The following CNBD2 variants were observed in gnomAD, a reference collection of about 807,000 sequenced individuals.
The protein encoded by CNBD2 is cyclic nucleotide binding domain containing 2.
Under a neutral mutation model 63.7 loss-of-function variants are expected in CNBD2, and 64 were observed. That is an observed-to-expected ratio of 1.00 (90% CI 0.82 to 1.24). CNBD2 has a LOEUF of 1.24. Ranked by LOEUF, CNBD2 falls within the 50% of genes most tolerant of loss-of-function variation. The pLI, the probability that CNBD2 is intolerant of heterozygous loss-of-function variation, is 0.00. For missense variants in CNBD2, 691 were observed against 713.5 expected (o/e 0.97, Z 0.36); for synonymous variants, 229 against 255.4 (o/e 0.90, Z 0.99).
intron 3 of CNBD2, among the ~76,000 whole-genome samples, chr20:35,979,416 G>T (rs1174923605): frequency 1.3e-5 from 2 of 152,138 alleles, no homozygotes; most frequent in Non-Finnish European, 2.9e-5. Flanking sequence ...CCTCTTAAAG[G>T]TCTCAGTTTT....
intron 8 of CNBD2, among the ~76,000 whole-genome samples, chr20:36,007,668 G>T (rs919443267): frequency 2.0e-5 from 3 of 152,080 alleles, no homozygotes; most frequent in African/African-American, 7.2e-5. Flanking sequence ...AGCTACAGGT[G>T]TGCACCAGCA....
intron 11 of CNBD2, among the ~76,000 whole-genome samples, chr20:36,028,394 CAT>C (rs759778460): frequency 5.3e-5 from 8 of 152,066 alleles, no homozygotes; most frequent in Non-Finnish European, 1.2e-4. Flanking sequence ...AGGCAGAAAA[CAT>C]ATCCATTATC....
At chr20:35,991,831 G>A (rs1460270989) in intron 7 of CNBD2, among the ~76,000 whole-genome samples, 2 of 151,990 alleles carry the variant, frequency 1.3e-5, no homozygotes, top group Admixed American at 6.6e-5. Flanking sequence ...CTCAAAGTGC[G>A]GTGGCTGGAC....
chr20:35,984,570 C>T (rs1489649858), intron 5 of CNBD2, 57 bp from the exon 6 acceptor site: 1 of 1,584,510 alleles, frequency 6.3e-7, no homozygotes, highest in African/African-American at 1.3e-5. Flanking sequence ...GTGTGTAAGG[C>T]TGAGGACAGG....
At chr20:36,022,195 C>CTTT (rs753206662) in intron 10 of CNBD2, among the ~76,000 whole-genome samples, 42 of 56,308 alleles carry the variant, frequency 7.5e-4, no homozygotes, top group Non-Finnish European at 1.1e-3. Flanking sequence ...TTTTTTTTTT[C>CTTT]TTTTTTTTTT....
At chr20:35,995,334 T>G (rs1410625201) in intron 8 of CNBD2, among the ~76,000 whole-genome samples, 182 bp downstream of exon 8, 1 of 152,128 alleles carries the variant, frequency 6.6e-6, no homozygotes, top group Non-Finnish European at 1.5e-5. Flanking sequence ...CCTTTTTTTT[T>G]TATTGAGCCT....
rs770735269 is a variant in CNBD2, at chr20:36,023,615, C to G, written c.1283C>G (p.Ala428Gly). The part of the protein sequence containing the change: ...EQGEILGLHQ[A>G]FLPEGECDTR... The stretch of plus-strand genomic sequence containing the variant: ...ACTTCTCCCGAGGGTCTTCACCAGG[C>G]CTTCCTTCCAGAGGGTGAATGCGAC... Residue 428 changes from alanine to glycine, a missense_variant, in exon 11 of 12, where the codon GCC becomes GGC. Transcript: ENST00000373973. 1.2e-6 allele frequency: 2 copies of G among 1,600,352 alleles called. No individual in the cohort carries two copies. Among genetic ancestry groups the G allele is most frequent in the Non-Finnish European group, 1.7e-6 (2 of 1,174,004 alleles).
intron 10 of CNBD2, among the ~76,000 whole-genome samples, chr20:36,014,230 C>T (rs1300081958): frequency 6.7e-6 from 1 of 149,970 alleles, no homozygotes; most frequent in Non-Finnish European, 1.5e-5. Context: ...AAACATACAA[C>T]TGTTTTGCTC....
At chr20:35,970,732 T>C (rs1029293320) in intron 1 of CNBD2, among the ~76,000 whole-genome samples, 2 of 152,040 alleles carry the variant, frequency 1.3e-5, no homozygotes, top group Admixed American at 1.3e-4. Flanking sequence ...TTTGTTGTTG[T>C]TGTTACAGGG....
At chr20:35,975,334 T>G (rs1314245143) in intron 2 of CNBD2, among the ~76,000 whole-genome samples, 20 of 113,704 alleles carry the variant, frequency 1.8e-4, no homozygotes, top group South Asian at 5.2e-4. Flanking sequence ...GGAGTCTTGC[T>G]CTGTTGCCCA....
At chr20:35,959,671 G>T (rs1031379050), downstream of CNBD2, among the ~76,000 whole-genome samples, 7 of 152,184 alleles carry the variant, frequency 4.6e-5, no homozygotes, top group Non-Finnish European at 8.8e-5. Flanking sequence ...GATGAGATTT[G>T]GGTGCGGATA....
chr20:35,998,040 C>CTTTTT (rs1046661526), intron 8 of CNBD2, among the ~76,000 whole-genome samples: 58 of 127,108 alleles, frequency 4.6e-4, no homozygotes, highest in East Asian at 6.5e-4. Flanking sequence ...TTTTCTTTTT[C>CTTTTT]TTTTTTTTTT....
chr20:35,980,864 GA>G (rs2056589750), intron 4 of CNBD2, among the ~76,000 whole-genome samples: 3 of 152,356 alleles, frequency 2.0e-5, no homozygotes, highest in Admixed American at 6.5e-5. Context: ...AAACCTCAGA[GA>G]GGATCTGGTC....
At chr20:36,006,885 T>C (rs948330200) in intron 8 of CNBD2, among the ~76,000 whole-genome samples, 1 of 152,138 alleles carries the variant, frequency 6.6e-6, no homozygotes, top group Admixed American at 6.5e-5. Context: ...CTTCCTATGG[T>C]TTCATATAAA....
intron 9 of CNBD2, among the ~76,000 whole-genome samples, chr20:36,008,751 T>C (rs185479058): frequency 2.6e-5 from 4 of 152,166 alleles, no homozygotes; most frequent in Non-Finnish European, 4.4e-5. Context: ...GCTGGACATA[T>C]CTTCTGGCTC....
chr20:35,976,500 G>A (rs999881868), intron 3 of CNBD2, among the ~76,000 whole-genome samples: 2 of 152,166 alleles, frequency 1.3e-5, no homozygotes, highest in Admixed American at 1.3e-4. Flanking sequence ...TGAGGTGGGA[G>A]GATCACTTGA....
chr20:35,992,124 A>C (rs947715407), intron 7 of CNBD2, among the ~76,000 whole-genome samples: 1 of 151,812 alleles, frequency 6.6e-6, no homozygotes, highest in Non-Finnish European at 1.5e-5. Context: ...CAGGTGTTCC[A>C]CCCTCCTCGG....
At chr20:35,957,272 G>A (rs1474512501), downstream of CNBD2, among the ~76,000 whole-genome samples, 2 of 152,122 alleles carry the variant, frequency 1.3e-5, no homozygotes, top group Non-Finnish European at 2.9e-5. Context: ...ATAATGTGGA[G>A]GGAATAAATG....
upstream of CNBD2, chr20:35,954,661 C>G: frequency 7.9e-7 from 1 of 1,259,188 alleles, no homozygotes; most frequent in African/African-American, 1.5e-5. Context: ...CGCCTCTGAG[C>G]GCCAGTTCGA....
Sources: allele counts gnomAD v4.1 joint callset (sites outside exome capture counted in the v4.1 genomes callset), GRCh38; gene constraint gnomAD v4.1.1; transcripts MANE v1.5; gene names NCBI Gene and HGNC (gene_info 2026-07-23, HGNC 2026-07-21).